GYPB: variants seen among roughly 807,000 people sequenced by gnomAD.
GYPB encodes glycophorin B (MNS blood group).
GYPB carries 13 observed loss-of-function variants against 15.3 expected under a neutral mutation model. That is an observed-to-expected ratio of 0.85 (90% CI 0.55 to 1.35). The LOEUF is 1.35. Ranked by LOEUF, GYPB falls within the 40% of genes most tolerant of loss-of-function variation. The pLI is 0.00. For synonymous variants in GYPB, 38 were observed against 36.9 expected, an observed-to-expected ratio of 1.03 and a Z score of -0.11; for missense variants, 131 against 108.3, an observed-to-expected ratio of 1.21 and a Z score of -0.93.
In GYPB at chr4:143,997,542, T is replaced by G; in HGVS notation, c.268A>C (p.Lys90Gln). ...LISYSIRRLIKA is the reference protein window; with the variant it reads ...LISYSIRRLIQA ...AAAATTAAAAACTGAATTCTCACCT[T>G]TATCAGTCGGCGAATACTGTAAGAA... Residue 90 changes from lysine to glutamine, a missense_variant and splice_region_variant, in exon 4 of 5, where the codon AAG becomes CAG. By Grantham distance (53) the Lys-to-Gln change is moderately conservative (BLOSUM62 1). Transcript: ENST00000502664. 2 of 1,556,468 alleles carry G rather than the reference T, an allele frequency of 1.3e-6. No individual in the cohort carries two copies. The highest frequency in any genetic ancestry group is 8.8e-7 in the Non-Finnish European group (1 of 1,130,412).
intron 2 of GYPB, among the ~76,000 whole-genome samples, chr4:143,999,748 A>C (rs12499907): frequency 0.28 from 41,977 of 151,162 alleles, 6,666 homozygotes; most frequent in Middle Eastern, 0.34. Context: ...TTATTGACTT[A>C]CACAAGAAGC....
At chr4:144,001,112 G>C (rs1301263542) in intron 2 of GYPB, 73 bp downstream of exon 2, 3 of 1,610,340 alleles carry the variant, frequency 1.9e-6, no homozygotes, top group Non-Finnish European at 2.5e-6. Context: ...TGCAGTGACA[G>C]GTCCCCTAAA....
chr4:143,997,065 C>G (rs1175297673), intron 4 of GYPB, among the ~76,000 whole-genome samples: 1 of 150,974 alleles, frequency 6.6e-6, no homozygotes, highest in Non-Finnish European at 1.5e-5. Context: ...CACCACCAAG[C>G]CTTTCTAATT....
chr4:144,013,664 C>T (rs1209772651), intron 1 of GYPB, among the ~76,000 whole-genome samples: 3 of 143,604 alleles, frequency 2.1e-5, no homozygotes, highest in African/African-American at 2.7e-5. Context: ...TAAACTATCG[C>T]AAGAACAAAA....
chr4:144,019,101 G>A, intron 1 of GYPB, 150 bp downstream of exon 1: 1 of 1,265,604 alleles, frequency 7.9e-7, no homozygotes, highest in Admixed American at 2.6e-5. Flanking sequence ...TGGTAGCTGA[G>A]TTCCAGTAAA....
intron 1 of GYPB, among the ~76,000 whole-genome samples, chr4:144,017,392 T>C (rs906135917): frequency 6.6e-6 from 1 of 151,002 alleles, no homozygotes; most frequent in African/African-American, 2.5e-5. Context: ...TGTTTAGTCT[T>C]CGGCTAATCA....
At chr4:143,998,076 GTAT>G (rs1727422850) in intron 3 of GYPB, among the ~76,000 whole-genome samples, 4 of 151,462 alleles carry the variant, frequency 2.6e-5, no homozygotes, top group African/African-American at 9.8e-5. Flanking sequence ...AAAGAAACTG[GTAT>G]AAACAGTTTA....
chr4:143,996,284 A>G lies in GYPB; in HGVS notation c.*15T>C. ...CCGGTTCTAGGCAAGATCAGGCAGC[A>G]TGCAGGCCACATCCTCATGCCTGTG... On this transcript the variant is annotated 3_prime_UTR_variant, in exon 5 of 5. Transcript: ENST00000502664. The G allele has an allele frequency of 6.4e-7, 1 of 1,550,906 alleles. No individual in the cohort carries two copies. The highest frequency in any genetic ancestry group is 8.7e-7 in the Non-Finnish European group (1 of 1,147,220).
chr4:144,002,129 A>G (rs1000192462), intron 1 of GYPB, among the ~76,000 whole-genome samples: 15 of 151,276 alleles, frequency 9.9e-5, no homozygotes, highest in Non-Finnish European at 2.2e-4. Flanking sequence ...AAGTTATTTT[A>G]TAAAATTTTA....
chr4:144,004,079 G>C (rs1727757568), intron 1 of GYPB, among the ~76,000 whole-genome samples: 1 of 151,656 alleles, frequency 6.6e-6, no homozygotes, highest in South Asian at 2.1e-4. Context: ...AAAACTGGTT[G>C]GTGGCCAAAT....
chr4:144,008,113 G>T (rs1275621945), intron 1 of GYPB, among the ~76,000 whole-genome samples: 1 of 151,560 alleles, frequency 6.6e-6, no homozygotes, highest in East Asian at 1.9e-4. Context: ...ATTATTCTTT[G>T]TGGAGGAGGA....
intron 1 of GYPB, among the ~76,000 whole-genome samples, chr4:144,019,029 T>C (rs1040417959): frequency 4.6e-5 from 7 of 151,302 alleles, no homozygotes; most frequent in African/African-American, 1.7e-4. Context: ...AGTAAGCTTC[T>C]CATACTAGAA....
Position 144,013,470 on chromosome 4 carries a change from G to T in GYPB, c.37+5781C>A, listed in dbSNP as rs552677813. 2.2e-4 allele frequency among the ~76,000 whole-genome samples: 33 copies of T among 151,332 alleles called. 2 individuals are homozygous for T. Among genetic ancestry groups the T allele is most frequent in the African/African-American group, 8.1e-4 (33 of 40,666 alleles). ...TGCTGCTATAAAAACACATGCACAC[G>T]TATGTTTATTGTGGCATTATTCACA... On this transcript the variant is annotated intron_variant, in intron 1 of 4. Transcript: ENST00000502664.
At chr4:144,011,016 G>A (rs1224189286) in intron 1 of GYPB, among the ~76,000 whole-genome samples, 1 of 151,526 alleles carries the variant, frequency 6.6e-6, no homozygotes, top group Non-Finnish European at 1.5e-5. Context: ...CTAAATGTCA[G>A]TTGTGAATTA....
chr4:144,010,936 A>G (rs1728184931), intron 1 of GYPB, among the ~76,000 whole-genome samples: 1 of 151,586 alleles, frequency 6.6e-6, no homozygotes, highest in South Asian at 2.1e-4. Flanking sequence ...AAAACATAGT[A>G]TATATATCAA....
At chr4:144,019,049 C>T (rs36028588) in intron 1 of GYPB, among the ~76,000 whole-genome samples, 11,015 of 151,088 alleles carry the variant, frequency 0.073, 1,429 homozygotes, top group African/African-American at 0.21. Flanking sequence ...AAACTGGATT[C>T]GGCCATAAAT....
intron 1 of GYPB, 66 bp downstream of exon 1, chr4:144,019,185 G>C: frequency 1.2e-6 from 2 of 1,606,908 alleles, no homozygotes; most frequent in Non-Finnish European, 1.7e-6. Flanking sequence ...AAATAGGGTA[G>C]TTCATATTTT....
chr4:144,019,116 A>G, intron 1 of GYPB, 135 bp downstream of exon 1: 3 of 1,407,930 alleles, frequency 2.1e-6, no homozygotes, highest in Non-Finnish European at 1.9e-6. Context: ...AGTAAAATCC[A>G]TCCACCAGAC....
chr4:143,998,318 A>G (rs1727432584), intron 3 of GYPB, among the ~76,000 whole-genome samples: 1 of 151,588 alleles, frequency 6.6e-6, no homozygotes, highest in African/African-American at 2.4e-5. Flanking sequence ...CCATATTTAT[A>G]GCATATTTGT....
Sources: gnomAD v4.1 joint callset for allele counts (sites outside exome capture counted in the v4.1 genomes callset) on GRCh38, gnomAD v4.1.1 for gene constraint, MANE v1.5 for transcripts, NCBI Gene and HGNC (gene_info 2026-07-23, HGNC 2026-07-21) for gene names.